NME7: variants seen among roughly 807,000 people sequenced by gnomAD.
NME7 encodes the protein NME/NM23 family member 7.
A neutral mutation model predicts 49.1 loss-of-function variants in NME7; 41 were observed. That is an observed-to-expected ratio of 0.83 (90% CI 0.65 to 1.08). NME7 has a LOEUF of 1.08. Ranked by LOEUF, NME7 falls within the 50% of genes least tolerant of loss-of-function variation. NME7 has a pLI of 0.00. For missense variants in NME7, 423 were observed against 463.4 expected (o/e 0.91, Z 0.80); for synonymous variants, 139 against 150.6 (o/e 0.92, Z 0.56).
chr1:169,216,216 G>A (rs919838429), intron 10 of NME7, among the ~76,000 whole-genome samples: 1 of 152,200 alleles, frequency 6.6e-6, no homozygotes, highest in Non-Finnish European at 1.5e-5. Context: ...ACACCACCCA[G>A]GTAGCTTCAG....
At position 169,303,206 on chromosome 1, in the gene NME7, A is replaced by G; in HGVS notation, c.390-11T>C. 2 of 1,427,298 alleles carry G rather than the reference A, an allele frequency of 1.4e-6. No homozygotes were observed. Among genetic ancestry groups the G allele is most frequent in the Admixed American group, 1.9e-5 (1 of 51,798 alleles). The allele number at this position is 1,427,298 out of a possible 1,614,324, so 88.4% of individuals were successfully genotyped here. ...TCCAATGCTTCTTTCCTATAAAATAATCAAAAAGGCAATAGTTAAGAATTA... is the reference window on the plus strand; with the variant it reads ...TCCAATGCTTCTTTCCTATAAAATAGTCAAAAAGGCAATAGTTAAGAATTA... On this transcript the variant is annotated splice_polypyrimidine_tract_variant and intron_variant, in intron 4 of 11. Coordinates refer to ENST00000367811, the MANE Select transcript of NME7 (RefSeq NM_013330.5).
chr1:169,173,695 C>T (rs957118760), intron 10 of NME7, among the ~76,000 whole-genome samples: 2 of 151,982 alleles, frequency 1.3e-5, no homozygotes, highest in African/African-American at 4.8e-5. Context: ...AACAGCACTT[C>T]CCCCCTCCAT....
chr1:169,252,640 C>G (rs1648684380), intron 7 of NME7, among the ~76,000 whole-genome samples: 1 of 152,100 alleles, frequency 6.6e-6, no homozygotes, highest in Admixed American at 6.6e-5. Context: ...GTCGCCTATG[C>G]CTATGTCCTG....
At chr1:169,163,386 T>C (rs1659304808) in intron 11 of NME7, among the ~76,000 whole-genome samples, 2 of 151,908 alleles carry the variant, frequency 1.3e-5, no homozygotes, top group South Asian at 4.2e-4. Context: ...TCTAGAAAAA[T>C]TTCTGATGAG....
chr1:169,228,639 T>C (rs1454376189), intron 10 of NME7, among the ~76,000 whole-genome samples: 1 of 140,412 alleles, frequency 7.1e-6, no homozygotes, highest in Non-Finnish European at 1.5e-5. Flanking sequence ...ATTGCGCCAC[T>C]GCAGTCCGCA....
chr1:169,155,378 AG>A (rs1436288563), intron 11 of NME7, among the ~76,000 whole-genome samples: 1 of 152,216 alleles, frequency 6.6e-6, no homozygotes, highest in Non-Finnish European at 1.5e-5. Flanking sequence ...ACCCTGGGGA[AG>A]GGGCAGTATT....
intron 11 of NME7, among the ~76,000 whole-genome samples, chr1:169,163,591 C>T (rs1659309771): frequency 6.6e-6 from 1 of 152,048 alleles, no homozygotes; most frequent in South Asian, 2.1e-4. Context: ...TTGGTGAAAT[C>T]TGAGTGGAGT....
intron 10 of NME7, among the ~76,000 whole-genome samples, chr1:169,202,240 G>T (rs912787231): frequency 1.3e-5 from 2 of 152,130 alleles, no homozygotes; most frequent in Non-Finnish European, 2.9e-5. Context: ...TTGAATCATG[G>T]GGGCAGATCC....
intron 1 of NME7, among the ~76,000 whole-genome samples, chr1:169,354,951 T>A (rs1479079903): frequency 1.4e-4 from 7 of 50,664 alleles, no homozygotes; most frequent in Non-Finnish European, 3.1e-4. Flanking sequence ...TTATATATTA[T>A]ATATGTTTAT....
At chr1:169,209,805 A>G (rs1660763841) in intron 10 of NME7, among the ~76,000 whole-genome samples, 1 of 152,078 alleles carries the variant, frequency 6.6e-6, no homozygotes, top group Non-Finnish European at 1.5e-5. Flanking sequence ...TGTAGGCTAG[A>G]GCCAAATTAG....
Position 169,152,287 on chromosome 1 carries a change from A to G in NME7, c.1098+17160T>C, listed in dbSNP as rs142164515. Among the ~76,000 whole-genome samples, 732 of 152,328 alleles carry G rather than the reference A, an allele frequency of 4.8e-3. 7 individuals carry two copies. Among genetic ancestry groups the G allele is most frequent in the African/African-American group, 0.017 (689 of 41,562 alleles). The stretch of plus-strand genomic sequence containing the variant: ...ACTTCCTATTCTTATTGTTTTACCT[A>G]TATCACCTAATCTATTTCTTGCTGC... On this transcript the variant is annotated intron_variant, in intron 11 of 11. Coordinates refer to ENST00000367811, the MANE Select transcript of NME7 (RefSeq NM_013330.5).
chr1:169,138,926 T>C (rs770770949), intron 11 of NME7, among the ~76,000 whole-genome samples: 1 of 152,172 alleles, frequency 6.6e-6, no homozygotes, highest in Non-Finnish European at 1.5e-5. Context: ...GCTACAACTT[T>C]CCATAAATTC....
intron 10 of NME7, among the ~76,000 whole-genome samples, chr1:169,172,323 C>CGTGTGTGT (rs200830717): frequency 0.022 from 2,836 of 127,718 alleles, 73 homozygotes; most frequent in African/African-American, 0.068. Flanking sequence ...CAAAAACATA[C>CGTGTGTGT]GTGTGTGTGT....
chr1:169,159,585 T>G, intron 11 of NME7, among the ~76,000 whole-genome samples: 1 of 152,212 alleles, frequency 6.6e-6, no homozygotes, highest in Non-Finnish European at 1.5e-5. Flanking sequence ...CTATTCCTAT[T>G]GCTTTCTGCA....
chr1:169,158,034 C>A (rs1659129293), intron 11 of NME7, among the ~76,000 whole-genome samples: 1 of 152,234 alleles, frequency 6.6e-6, no homozygotes, highest in Non-Finnish European at 1.5e-5. Flanking sequence ...GGTTCTTTTA[C>A]AAGTTTTAAA....
intron 7 of NME7, among the ~76,000 whole-genome samples, chr1:169,275,043 T>C (rs1215525700): frequency 7.5e-6 from 1 of 132,666 alleles, no homozygotes; most frequent in East Asian, 2.0e-4. Flanking sequence ...ATTGAATCTA[T>C]AAATTACCTT....
intron 11 of NME7, among the ~76,000 whole-genome samples, chr1:169,142,673 G>T (rs962652615): frequency 2.6e-5 from 4 of 152,140 alleles, no homozygotes; most frequent in Non-Finnish European, 5.9e-5. Context: ...CCTTCTTTGG[G>T]CAACACATTC....
chr1:169,282,557 A>T (rs1650066738), intron 7 of NME7, among the ~76,000 whole-genome samples: 1 of 152,056 alleles, frequency 6.6e-6, no homozygotes, highest in South Asian at 2.1e-4. Flanking sequence ...TCAATTTTAG[A>T]TCTTTCCTGC....
intron 1 of NME7, among the ~76,000 whole-genome samples, chr1:169,366,259 T>C (rs1377154046): frequency 6.6e-6 from 1 of 152,178 alleles, no homozygotes; most frequent in Non-Finnish European, 1.5e-5. Flanking sequence ...GTAATGTAAA[T>C]TTTGAGAAGT....
Sources: gnomAD v4.1 joint callset for allele counts (sites outside exome capture counted in the v4.1 genomes callset) on GRCh38, gnomAD v4.1.1 for gene constraint, MANE v1.5 for transcripts, NCBI Gene and HGNC (gene_info 2026-07-23, HGNC 2026-07-21) for gene names.